TBXAS1: variants seen among roughly 807,000 people sequenced by gnomAD.
The protein encoded by TBXAS1 is thromboxane-A synthase.
TBXAS1 carries 48 observed loss-of-function variants against 60.7 expected under a neutral mutation model. That is an observed-to-expected ratio of 0.79 (90% CI 0.63 to 1.01). The LOEUF is 1.01. Ranked by LOEUF, TBXAS1 falls within the 50% of genes least tolerant of loss-of-function variation. The pLI, the probability that TBXAS1 is intolerant of heterozygous loss-of-function variation, is 0.00. For missense variants in TBXAS1, 685 were observed against 686.3 expected (o/e 1.00, Z 0.02); for synonymous variants, 287 against 269.7 (o/e 1.06, Z -0.63).
chr7:139,984,675 A>AAAG (rs1812254276), intron 9 of TBXAS1, among the ~76,000 whole-genome samples: 4 of 144,912 alleles, frequency 2.8e-5, no homozygotes, highest in Admixed American at 2.1e-4. Context: ...AAGAAAGAAG[A>AAAG]AAAGAAGAAG....
chr7:139,891,805 ACT>A (rs1187268899), intron 3 of TBXAS1, among the ~76,000 whole-genome samples: 2 of 152,192 alleles, frequency 1.3e-5, no homozygotes, highest in Non-Finnish European at 2.9e-5. Flanking sequence ...CTCCAAGGAA[ACT>A]TCAAACAGGA....
chr7:139,922,559 A>T (rs1411519578), intron 4 of TBXAS1, among the ~76,000 whole-genome samples: 1 of 152,138 alleles, frequency 6.6e-6, no homozygotes, highest in Non-Finnish European at 1.5e-5. Flanking sequence ...GTCTTTTGTC[A>T]GATAAATGTG....
chr7:139,927,445 C>T (rs946854833), intron 4 of TBXAS1, among the ~76,000 whole-genome samples: 1 of 152,150 alleles, frequency 6.6e-6, no homozygotes, highest in Non-Finnish European at 1.5e-5. Flanking sequence ...AATCTTCCCA[C>T]TTTTTAACTT....
chr7:140,009,458 G>C (rs1260212915), intron 10 of TBXAS1, among the ~76,000 whole-genome samples: 1 of 152,128 alleles, frequency 6.6e-6, no homozygotes, highest in Non-Finnish European at 1.5e-5. Context: ...CCGCTCAGCT[G>C]CCTGCAGCAT....
intron 3 of TBXAS1, among the ~76,000 whole-genome samples, chr7:139,908,467 AT>A (rs1805276120): frequency 6.6e-6 from 1 of 151,914 alleles, no homozygotes; most frequent in Non-Finnish European, 1.5e-5. Flanking sequence ...TCAGAATTCC[AT>A]TTTGGCTTAT....
chr7:139,838,066 CT>C (rs1286816524), intron 1 of TBXAS1, among the ~76,000 whole-genome samples: 1 of 152,188 alleles, frequency 6.6e-6, no homozygotes, highest in African/African-American at 2.4e-5. Context: ...AGCGGGCCCC[CT>C]GTCGCTCTCT....
At chr7:139,805,692 T>G in intron 4 of TBXAS1, among the ~76,000 whole-genome samples, 2 of 36,166 alleles carry the variant, frequency 5.5e-5, no homozygotes, top group Admixed American at 3.6e-4. Flanking sequence ...CTTTCTTTCT[T>G]TCTTTCTTTC....
chr7:139,940,537 G>C (rs544097064), intron 5 of TBXAS1, among the ~76,000 whole-genome samples: 1 of 152,072 alleles, frequency 6.6e-6, no homozygotes, highest in Non-Finnish European at 1.5e-5. Context: ...GGAAAGCCCC[G>C]GCACAGTGAG....
chr7:139,991,104 G>A (rs1289333620), intron 9 of TBXAS1, among the ~76,000 whole-genome samples: 1 of 152,210 alleles, frequency 6.6e-6, no homozygotes, highest in Non-Finnish European at 1.5e-5. Flanking sequence ...AGAAACCACA[G>A]AGAGCGTGCG....
intron 1 of TBXAS1, among the ~76,000 whole-genome samples, chr7:139,867,892 A>C (rs971948560): frequency 2.6e-5 from 4 of 152,074 alleles, no homozygotes; most frequent in Admixed American, 2.6e-4. Flanking sequence ...AAATACAGGA[A>C]ATTTTCCAGC....
intron 9 of TBXAS1, among the ~76,000 whole-genome samples, chr7:139,981,759 C>A (rs535017766): frequency 6.6e-6 from 1 of 152,320 alleles, no homozygotes; most frequent in African/African-American, 2.4e-5. Context: ...ATAAGTAATT[C>A]ATTGAGTCGC....
chr7:139,926,622 A>G (rs371446961), intron 4 of TBXAS1, among the ~76,000 whole-genome samples: 2 of 150,588 alleles, frequency 1.3e-5, no homozygotes, highest in African/African-American at 4.9e-5. Context: ...CTTCATTTCA[A>G]TTTCATTTAT....
At chr7:139,867,857 T>C (rs1022998547) in intron 1 of TBXAS1, among the ~76,000 whole-genome samples, 12 of 150,638 alleles carry the variant, frequency 8.0e-5, no homozygotes, top group Middle Eastern at 3.4e-3. Context: ...AATAAATAAA[T>C]AAAGAGAAAG....
chr7:139,945,879 G>A (rs1446959107), intron 5 of TBXAS1, among the ~76,000 whole-genome samples: 1 of 152,192 alleles, frequency 6.6e-6, no homozygotes, highest in Non-Finnish European at 1.5e-5. Flanking sequence ...CTCATCTGAA[G>A]GCTTGACTGG....
intron 1 of TBXAS1, among the ~76,000 whole-genome samples, chr7:139,779,715 C>T (rs999669078): frequency 6.6e-6 from 1 of 152,218 alleles, no homozygotes; most frequent in African/African-American, 2.4e-5. Context: ...TGCCACGCTC[C>T]TGGCTAACAT....
upstream of TBXAS1, among the ~76,000 whole-genome samples, chr7:139,827,794 C>T (rs775931731): frequency 6.6e-6 from 1 of 152,156 alleles, no homozygotes; most frequent in Non-Finnish European, 1.5e-5. Context: ...TGTTGAGGAG[C>T]CGGAAGACAG....
At chr7:139,809,321 T>TAGAC (rs1165786552) in intron 4 of TBXAS1, among the ~76,000 whole-genome samples, 3 of 19,226 alleles carry the variant, frequency 1.6e-4, no homozygotes, top group African/African-American at 5.2e-4. Flanking sequence ...AATAGGAGAT[T>TAGAC]AGATAGATAG....
chr7:139,875,067 C>G lies in TBXAS1; in HGVS notation c.184-518C>G, dbSNP rs137942287. Among the ~76,000 whole-genome samples the G allele has an allele frequency of 9.8e-5, 15 of 152,330 alleles. No homozygotes were observed. In the East Asian group the frequency reaches 2.9e-3, roughly 29 times the overall value. Reference sequence around the variant, plus strand: ...CTGAGATCACACCACTGCACTCCAGCCTGGGTGGCAGAGCAAAACTCTGTC... The same window carrying G: ...CTGAGATCACACCACTGCACTCCAGGCTGGGTGGCAGAGCAAAACTCTGTC... On this transcript the variant is annotated intron_variant, in intron 2 of 12. Transcript: ENST00000448866.
intron 3 of TBXAS1, among the ~76,000 whole-genome samples, chr7:139,882,652 C>T (rs1265114740): frequency 1.3e-5 from 2 of 152,082 alleles, no homozygotes; most frequent in Non-Finnish European, 2.9e-5. Flanking sequence ...AAACACAATA[C>T]CCTTGAAACA....
Sources: allele counts gnomAD v4.1 joint callset (sites outside exome capture counted in the v4.1 genomes callset), GRCh38; gene constraint gnomAD v4.1.1; transcripts MANE v1.5; gene names NCBI Gene and HGNC (gene_info 2026-07-23, HGNC 2026-07-21).